The following RFX4 variants were observed in gnomAD, a reference collection of about 807,000 sequenced individuals.
RFX4 encodes the protein regulatory factor X4, also known as transcription factor RFX4.
Under a neutral mutation model 95.0 loss-of-function variants are expected in RFX4, and 10 were observed. The ratio of observed to expected loss-of-function variants is 0.11; its 90% confidence interval spans 0.06 to 0.18. RFX4 has a LOEUF of 0.18. Ranked by LOEUF, RFX4 falls within the 10% of genes least tolerant of loss-of-function variation. The pLI is 1.00. For synonymous variants in RFX4, 321 were observed against 340.7 expected (o/e 0.94, Z 0.64); for missense variants, 640 against 922.0 (o/e 0.69, Z 3.96).
intron 4 of RFX4, among the ~76,000 whole-genome samples, chr12:106,658,061 T>C (rs1360207103): frequency 6.6e-6 from 1 of 152,156 alleles, no homozygotes; most frequent in Non-Finnish European, 1.5e-5. Flanking sequence ...ATGAGGACTT[T>C]CTGTTCATTA....
At chr12:106,672,643 C>T (rs892368639) in intron 4 of RFX4, among the ~76,000 whole-genome samples, 5 of 152,068 alleles carry the variant, frequency 3.3e-5, no homozygotes, top group Non-Finnish European at 7.4e-5. Flanking sequence ...CGGGGCTGAA[C>T]CGACCCTGCA....
chr12:106,657,982 T>G (rs1177711108), intron 4 of RFX4, among the ~76,000 whole-genome samples: 1 of 152,180 alleles, frequency 6.6e-6, no homozygotes, highest in Admixed American at 6.5e-5. Flanking sequence ...ACCTACCATG[T>G]GAGTATACAG....
At chr12:106,628,001 G>A (rs2040338736) in intron 2 of RFX4, among the ~76,000 whole-genome samples, 1 of 152,236 alleles carries the variant, frequency 6.6e-6, no homozygotes, top group South Asian at 2.1e-4. Context: ...CCCATGGGGT[G>A]TCTGCTGCAG....
Position 106,732,118 on chromosome 12 carries a change from T to G in RFX4, c.1352-12T>G. On this transcript the variant is annotated splice_polypyrimidine_tract_variant and intron_variant, in intron 13 of 17. Coordinates refer to ENST00000392842, the MANE Select transcript of RFX4 (RefSeq NM_213594.3). ...CACGACTTACTTTCTGTTTGATCCT[T>G]TTTTTCACCAGGGTCTTTTCACCTA... The G allele has an allele frequency of 6.2e-7, 1 of 1,612,560 alleles. No individual in the cohort carries two copies. The highest frequency in any genetic ancestry group is 1.1e-5 in the South Asian group (1 of 90,908).
intron 5 of RFX4, chr12:106,683,328 A>G (rs2041560311): frequency 7.0e-6 from 1 of 143,132 alleles, no homozygotes. Flanking sequence ...CTTTTTTGGT[A>G]TTCTGAAAAT....
At chr12:106,718,404 C>T (rs2042333488) in intron 11 of RFX4, among the ~76,000 whole-genome samples, 1 of 152,228 alleles carries the variant, frequency 6.6e-6, no homozygotes, top group Non-Finnish European at 1.5e-5. Context: ...GTGTTTGAAT[C>T]TTGTCTCCGC....
At chr12:106,601,031 C>G (rs776919504) in intron 1 of RFX4, 177 of 887,274 alleles carry the variant, frequency 2.0e-4, no homozygotes, top group Non-Finnish European at 2.6e-4. Context: ...GCCTGTCAAA[C>G]AGTAGGTTCT....
chr12:106,605,702 A>C (rs1392075635), intron 1 of RFX4, among the ~76,000 whole-genome samples: 1 of 152,216 alleles, frequency 6.6e-6, no homozygotes, highest in Non-Finnish European at 1.5e-5. Flanking sequence ...TCTTCCAAGA[A>C]AGAGGTGAAA....
chr12:106,746,557 C>T (rs774063359), intron 15 of RFX4, among the ~76,000 whole-genome samples: 11 of 151,844 alleles, frequency 7.2e-5, no homozygotes, highest in Non-Finnish European at 1.3e-4. Flanking sequence ...AACTAACCAT[C>T]TCATAAAATA....
chr12:106,590,651 GA>G (rs1255932288), intron 1 of RFX4, among the ~76,000 whole-genome samples: 1 of 152,190 alleles, frequency 6.6e-6, no homozygotes, highest in Non-Finnish European at 1.5e-5. Context: ...CTGTGACAGA[GA>G]AAGGATATAA....
chr12:106,649,922 G>T (rs1361155490), intron 3 of RFX4, among the ~76,000 whole-genome samples: 2 of 152,106 alleles, frequency 1.3e-5, no homozygotes, highest in African/African-American at 4.8e-5. Context: ...TGTTACCTCT[G>T]CCCCCACAAC....
chr12:106,622,623 T>C (rs201817109), intron 2 of RFX4, among the ~76,000 whole-genome samples: 32 of 56,676 alleles, frequency 5.6e-4, no homozygotes, highest in African/African-American at 2.9e-3. Flanking sequence ...CCAAGCTGCA[T>C]TTTTTTTTTT....
At chr12:106,656,345 A>T (rs541167778) in intron 4 of RFX4, among the ~76,000 whole-genome samples, 1 of 152,376 alleles carries the variant, frequency 6.6e-6, no homozygotes, top group Non-Finnish European at 1.5e-5. Flanking sequence ...TGGGCAGTGC[A>T]GAATGAAACG....
chr12:106,678,047 A>G (rs1215905384), intron 4 of RFX4, among the ~76,000 whole-genome samples: 4 of 152,244 alleles, frequency 2.6e-5, no homozygotes, highest in Non-Finnish European at 4.4e-5. Flanking sequence ...AAAAACCATC[A>G]GGAATGAAGG....
At chr12:106,679,437 G>C (rs2041461546) in intron 4 of RFX4, among the ~76,000 whole-genome samples, 1 of 151,264 alleles carries the variant, frequency 6.6e-6, no homozygotes, top group African/African-American at 2.4e-5. Flanking sequence ...CTGGGCAACA[G>C]AGTGGGGGCT....
At chr12:106,727,001 A>C (rs2042512908) in intron 13 of RFX4, among the ~76,000 whole-genome samples, 1 of 151,942 alleles carries the variant, frequency 6.6e-6, no homozygotes, top group African/African-American at 2.4e-5. Context: ...GGAACTCCTG[A>C]CCTCAAGTGA....
intron 17 of RFX4, among the ~76,000 whole-genome samples, chr12:106,753,074 C>T (rs561180025): frequency 3.9e-5 from 6 of 152,058 alleles, no homozygotes; most frequent in South Asian, 2.1e-4. Context: ...AGGAGGCTTT[C>T]GGAAAAAAAC....
intron 3 of RFX4, among the ~76,000 whole-genome samples, chr12:106,649,044 T>C (rs1401080667): frequency 6.6e-6 from 1 of 151,872 alleles, no homozygotes; most frequent in Non-Finnish European, 1.5e-5. Flanking sequence ...TCAAATATAA[T>C]CAAGTTGTTA....
At chr12:106,683,307 T>C (rs1225349284) in intron 5 of RFX4, 2 of 150,928 alleles carry the variant, frequency 1.3e-5, no homozygotes, top group African/African-American at 2.4e-5. Flanking sequence ...ATGATCGAAC[T>C]GGGAAAAACC....
Sources: gnomAD v4.1 joint callset for allele counts (sites outside exome capture counted in the v4.1 genomes callset) on GRCh38, gnomAD v4.1.1 for gene constraint, MANE v1.5 for transcripts, NCBI Gene and HGNC (gene_info 2026-07-23, HGNC 2026-07-21) for gene names.